The following FYCO1 variants were observed in gnomAD, a reference collection of about 807,000 sequenced individuals.
FYCO1 encodes the protein FYVE and coiled-coil domain-containing protein 1.
FYCO1 carries 122 observed loss-of-function variants against 165.1 expected under a neutral mutation model. The observed-to-expected ratio is 0.74, with a 90% CI of 0.64 to 0.86. The LOEUF (loss-of-function observed/expected upper bound fraction) is 0.86. Ranked by LOEUF, FYCO1 falls within the 40% of genes least tolerant of loss-of-function variation. The pLI is 0.00. For synonymous variants in FYCO1, 648 were observed against 742.5 expected (o/e 0.87, Z 2.07); for missense variants, 1,702 against 1,810.3 (o/e 0.94, Z 1.09).
In FYCO1 at chr3:45,962,406, G is replaced by A; in HGVS notation, c.3270-14C>T. The A allele has an allele frequency of 1.2e-6, 2 of 1,613,652 alleles. No individual in the cohort carries two copies. Among genetic ancestry groups the A allele is most frequent in the Non-Finnish European group, 1.7e-6 (2 of 1,179,640 alleles). The stretch of plus-strand genomic sequence containing the variant: ...TCCTTCTGGGTCCTGGGGGAGGAGT[G>A]GTAAGTTTTCTTGATTAGCCAGGAC... On this transcript the variant is annotated splice_polypyrimidine_tract_variant and intron_variant, in intron 10 of 17. Coordinates refer to ENST00000296137, the MANE Select transcript of FYCO1 (RefSeq NM_024513.4). The surrounding 1 kb of genome is among the most constrained non-coding windows in gnomAD (Gnocchi z 4.4).
At chr3:45,981,458 G>A (rs771915261) in intron 3 of FYCO1, 112 bp downstream of exon 3, 7 of 736,170 alleles carry the variant, frequency 9.5e-6, no homozygotes, top group Non-Finnish European at 1.5e-5. Context: ...TAACCACGAG[G>A]GCTTACTGGC....
intron 14 of FYCO1, among the ~76,000 whole-genome samples, chr3:45,942,109 T>C (rs1222457184): frequency 6.6e-6 from 1 of 152,222 alleles, no homozygotes; most frequent in East Asian, 1.9e-4. Flanking sequence ...TCTGAACGAA[T>C]TCATTCAAAA....
At chr3:45,959,678 C>A (rs2125839922) in intron 11 of FYCO1, 136 bp from the exon 12 acceptor site, 3 of 922,640 alleles carry the variant, frequency 3.3e-6, no homozygotes, top group Non-Finnish European at 5.1e-6. Context: ...TGGAAATATG[C>A]CCCAGCCCAT....
chr3:45,946,751 A>T (rs779458301), intron 14 of FYCO1: 1 of 1,614,198 alleles, frequency 6.2e-7, no homozygotes, highest in Non-Finnish European at 8.5e-7. Flanking sequence ...GGGCCTATGC[A>T]GGCATCCATG....
chr3:45,995,534 G>T (rs187202260), intron 1 of FYCO1, among the ~76,000 whole-genome samples, 188 bp downstream of exon 1: 276 of 152,362 alleles, frequency 1.8e-3, no homozygotes, highest in African/African-American at 6.3e-3. Flanking sequence ...GCTTCCACCT[G>T]CCCGAGGTGC....
chr3:45,938,204 A>G (rs140210734), intron 14 of FYCO1: 2 of 1,289,004 alleles, frequency 1.6e-6, no homozygotes, highest in African/African-American at 1.5e-5. Flanking sequence ...ACCTGCAAGC[A>G]GATGATTCAC....
Position 45,920,079 on chromosome 3 carries a change from T to G in FYCO1, c.*1686A>C, listed in dbSNP as rs527649068. 3.3e-5 allele frequency: 5 copies of G among 152,242 alleles called. No individual in the cohort carries two copies. The highest frequency in any genetic ancestry group is 1.2e-4 in the African/African-American group (5 of 41,440). The allele number at this position is 152,242 out of a possible 1,614,324, so 9.4% of individuals were successfully genotyped here. On this transcript the variant is annotated 3_prime_UTR_variant, in exon 18 of 18. Transcript: ENST00000296137. Reference sequence around the variant, plus strand: ...CTATTCCCTGTTCCCCATGCCTTGCTTAAAAACTGACTGGAAGTGCTCAAC... The same window carrying G: ...CTATTCCCTGTTCCCCATGCCTTGCGTAAAAACTGACTGGAAGTGCTCAAC...
intron 5 of FYCO1, among the ~76,000 whole-genome samples, chr3:45,975,021 T>C (rs1706665690): frequency 6.6e-6 from 1 of 152,244 alleles, no homozygotes; most frequent in African/African-American, 2.4e-5. Context: ...ATTAAGCCCC[T>C]CTGAGCCTCA....
chr3:45,969,437 G>A (rs1706294814), intron 7 of FYCO1, among the ~76,000 whole-genome samples: 1 of 152,214 alleles, frequency 6.6e-6, no homozygotes, highest in Non-Finnish European at 1.5e-5. Context: ...TAACCACGGT[G>A]CTAAACTGCT....
chr3:45,968,569 C>G lies in FYCO1; in HGVS notation c.765G>C (p.Gln255His). Residue 255 changes from glutamine to histidine, a missense_variant, in exon 8 of 18, where the codon CAG becomes CAC. Coordinates refer to ENST00000296137, the MANE Select transcript of FYCO1 (RefSeq NM_024513.4). ...REKQLRERMQ[Q>H]LDRENQELRA... ...TCAGCTCCTGGTTCTCTCTGTCCAG[C>G]TGCTGCATGCGCTCCCGTAGCTGCT... The G allele has an allele frequency of 6.2e-7, 1 of 1,613,976 alleles. No individual in the cohort carries two copies.
chr3:45,960,444 C>T (rs1330651671), intron 11 of FYCO1, among the ~76,000 whole-genome samples: 1 of 152,136 alleles, frequency 6.6e-6, no homozygotes. Flanking sequence ...TTCAAGGACA[C>T]TTGAAATTGT....
rs774810023 is a variant in FYCO1, at chr3:45,959,554, C to T, written c.3438-12G>A. On this transcript the variant is annotated splice_polypyrimidine_tract_variant and intron_variant, in intron 11 of 17. Transcript: ENST00000296137. ...GAGCATCCTTGTCCCTGGGACAAAA[C>T]CACATTGGAAGAAAAGGAGAGAGAA... is the stretch of plus-strand genomic sequence containing the variant. The T allele has an allele frequency of 6.2e-7, 1 of 1,613,382 alleles. No homozygotes were observed. Among genetic ancestry groups the T allele is most frequent in the Non-Finnish European group, 8.5e-7 (1 of 1,179,404 alleles).
chr3:45,934,877 C>T (rs527510004), intron 15 of FYCO1, among the ~76,000 whole-genome samples: 51 of 152,296 alleles, frequency 3.3e-4, no homozygotes, highest in Non-Finnish European at 3.2e-4. Context: ...AGACACAGGC[C>T]CATTGCATCA....
intron 14 of FYCO1, among the ~76,000 whole-genome samples, chr3:45,944,801 A>G (rs1252706750): frequency 6.6e-6 from 1 of 152,214 alleles, no homozygotes; most frequent in Non-Finnish European, 1.5e-5. Flanking sequence ...AGAGCGAGTC[A>G]AGCAATAATG....
Position 45,967,077 on chromosome 3 carries a change from G to A in FYCO1, c.2257C>T (p.Gln753Ter). Residue 753 changes from glutamine to a stop codon, truncating the protein, a stop_gained, in exon 8 of 18, where the codon CAA becomes TAA. Transcript: ENST00000296137. LOFTEE classifies it high-confidence loss of function. ...LIEVLTAEKG[Q>*]QGVGPPTDNE... ...TCAGTGGGTGGGCCAACTCCCTGTT[G>A]GCCTTTCTCTGCTGTGAGGACCTCA... 6.2e-7 allele frequency: 1 copy of A among 1,613,946 alleles called. No homozygotes were observed. The highest frequency in any genetic ancestry group is 8.5e-7 in the Non-Finnish European group (1 of 1,180,042).
chr3:45,968,120 T>C lies in FYCO1; in HGVS notation c.1214A>G (p.Glu405Gly). ...DAAQEMQELG[E>G]KLQALERERT... The stretch of plus-strand genomic sequence containing the variant: ...CTCCCTTTCTAGGGCTTGAAGCTTC[T>C]CCCCTAGCTCCTGCATCTCCTGGGC... The change falls in exon 8 of 18, where the codon GAG (glutamate) becomes GGG (glycine). Residue 405 changes from glutamate (E) to glycine (G), a missense_variant. Glu to Gly is a moderately conservative substitution (Grantham distance 98). Coordinates refer to ENST00000296137, the MANE Select transcript of FYCO1 (RefSeq NM_024513.4). 1 of 1,614,104 alleles carries C rather than the reference T, an allele frequency of 6.2e-7. No individual in the cohort carries two copies. The highest frequency in any genetic ancestry group is 8.5e-7 in the Non-Finnish European group (1 of 1,179,992).
chr3:45,924,937 A>AT (rs34421491), intron 16 of FYCO1, among the ~76,000 whole-genome samples: 2 of 146,604 alleles, frequency 1.4e-5, no homozygotes, highest in African/African-American at 2.6e-5. Context: ...TTTAAAAAAA[A>AT]TTTTTTTTTT....
chr3:45,973,262 A>C, intron 5 of FYCO1, 31 bp from the exon 6 acceptor site: 1 of 1,609,030 alleles, frequency 6.2e-7, no homozygotes, highest in Non-Finnish European at 8.5e-7. Flanking sequence ...TATAAGAGTA[A>C]TAAAGATAAA....
chr3:45,926,410 A>G (rs954199377), intron 16 of FYCO1, among the ~76,000 whole-genome samples: 1 of 152,252 alleles, frequency 6.6e-6, no homozygotes, highest in Non-Finnish European at 1.5e-5. Flanking sequence ...GAATATTACC[A>G]GGGATAATTT....
Sources: gnomAD v4.1 joint callset for allele counts (sites outside exome capture counted in the v4.1 genomes callset) on GRCh38, gnomAD v4.1.1 for gene constraint, Gnocchi (gnomAD v3.1) non-coding constraint, MANE v1.5 for transcripts, NCBI Gene and HGNC (gene_info 2026-07-23, HGNC 2026-07-21) for gene names.